Variants in PDZRN4 observed in about 807,000 individuals in gnomAD.
The protein encoded by PDZRN4 is PDZ domain-containing RING finger protein 4.
In PDZRN4, 70 loss-of-function variants were observed where a neutral mutation model predicts 99.0. The observed-to-expected ratio is 0.71, with a 90% CI of 0.58 to 0.86. The LOEUF (loss-of-function observed/expected upper bound fraction) is 0.86. Ranked by LOEUF, PDZRN4 falls within the 40% of genes least tolerant of loss-of-function variation. PDZRN4 has a pLI of 0.00. For missense variants in PDZRN4, 1,474 were observed against 1,331.2 expected (o/e 1.11, Z -1.67); for synonymous variants, 551 against 501.6 (o/e 1.10, Z -1.32).
intron 3 of PDZRN4, among the ~76,000 whole-genome samples, chr12:41,505,498 G>C (rs911155092): frequency 2.0e-5 from 3 of 152,196 alleles, no homozygotes; most frequent in African/African-American, 7.2e-5. Context: ...GGTCTGTTTT[G>C]CCTCCCACAA....
intron 3 of PDZRN4, among the ~76,000 whole-genome samples, chr12:41,238,854 A>G (rs1951085857): frequency 6.6e-6 from 1 of 152,212 alleles, no homozygotes; most frequent in Non-Finnish European, 1.5e-5. Flanking sequence ...ATGCTTTTAC[A>G]CTGTTGGCGA....
chr12:41,445,675 T>C (rs1291227519), intron 3 of PDZRN4, among the ~76,000 whole-genome samples: 1 of 107,004 alleles, frequency 9.3e-6, no homozygotes, highest in Non-Finnish European at 1.9e-5. Flanking sequence ...ATGTTTATAA[T>C]TCATGGGGAA....
chr12:41,539,309 A>T (rs285551), intron 5 of PDZRN4, among the ~76,000 whole-genome samples: 18,869 of 151,982 alleles, frequency 0.12, 1,184 homozygotes, highest in African/African-American at 0.15. Context: ...AAAACACTAA[A>T]GTTTAACATC....
chr12:41,246,418 A>G (rs141854447), intron 3 of PDZRN4, among the ~76,000 whole-genome samples: 5 of 152,296 alleles, frequency 3.3e-5, no homozygotes, highest in African/African-American at 4.8e-5. Flanking sequence ...TGCTGTGTGG[A>G]TAGGTATGGA....
At chr12:41,474,129 T>C (rs755005026) in intron 3 of PDZRN4, among the ~76,000 whole-genome samples, 11 of 152,316 alleles carry the variant, frequency 7.2e-5, no homozygotes, top group Non-Finnish European at 1.3e-4. Context: ...ATGAGAAAGA[T>C]TAATTAGTTT....
At chr12:41,494,884 T>G (rs1937964478) in intron 3 of PDZRN4, among the ~76,000 whole-genome samples, 1 of 152,140 alleles carries the variant, frequency 6.6e-6, no homozygotes, top group African/African-American at 2.4e-5. Context: ...ACTGGTTGCT[T>G]GTTCAAATTT....
chr12:41,435,630 T>G (rs1382995913), intron 3 of PDZRN4, among the ~76,000 whole-genome samples: 1 of 151,776 alleles, frequency 6.6e-6, no homozygotes, highest in East Asian at 1.9e-4. Context: ...CTACTAAAAA[T>G]ACAAAAAATT....
intron 3 of PDZRN4, among the ~76,000 whole-genome samples, chr12:41,298,315 T>G (rs1565545120): frequency 6.6e-6 from 1 of 152,190 alleles, no homozygotes; most frequent in Admixed American, 6.5e-5. Context: ...CACATTTTGC[T>G]ATTTGTATGT....
intron 3 of PDZRN4, among the ~76,000 whole-genome samples, chr12:41,331,724 G>C (rs1479961435): frequency 1.3e-5 from 2 of 152,078 alleles, no homozygotes. Context: ...AGCTGGGGAG[G>C]CCTCAGGAAA....
chr12:41,555,786 G>C, intron 7 of PDZRN4, 26 bp downstream of exon 7: 2 of 1,543,732 alleles, frequency 1.3e-6, no homozygotes, highest in Non-Finnish European at 1.8e-6. Context: ...ATTTCCTTTA[G>C]TTCCCCACGA....
intron 5 of PDZRN4, among the ~76,000 whole-genome samples, chr12:41,530,064 CT>C (rs1938635367): frequency 6.6e-6 from 1 of 152,196 alleles, no homozygotes. Context: ...CACTATTTAT[CT>C]ATTATACTTT....
chr12:41,510,396 T>A (rs554687996), intron 5 of PDZRN4, among the ~76,000 whole-genome samples: 1 of 152,266 alleles, frequency 6.6e-6, no homozygotes, highest in South Asian at 2.1e-4. Flanking sequence ...GAAATAGAGA[T>A]GGCCTCATGC....
chr12:41,532,373 T>C (rs1038924088), intron 5 of PDZRN4, among the ~76,000 whole-genome samples: 6 of 152,200 alleles, frequency 3.9e-5, no homozygotes, highest in Admixed American at 2.6e-4. Context: ...TACTTTATTC[T>C]TACAAATATC....
chr12:41,346,065 A>T (rs1951851757), intron 3 of PDZRN4, among the ~76,000 whole-genome samples: 1 of 152,184 alleles, frequency 6.6e-6, no homozygotes, highest in African/African-American at 2.4e-5. Flanking sequence ...AATTGTACAG[A>T]TGATGAAAGT....
intron 3 of PDZRN4, among the ~76,000 whole-genome samples, chr12:41,296,529 T>C (rs895164420): frequency 6.6e-6 from 1 of 152,194 alleles, no homozygotes; most frequent in African/African-American, 2.4e-5. Context: ...AGAATCCTTC[T>C]CTACCATGAC....
chr12:41,506,797 C>A (rs568963472), intron 4 of PDZRN4, 85 bp downstream of exon 4: 2 of 1,443,610 alleles, frequency 1.4e-6, no homozygotes, highest in African/African-American at 2.8e-5. Flanking sequence ...GTTCCACTAG[C>A]AGGTTGACAG....
intron 3 of PDZRN4, among the ~76,000 whole-genome samples, chr12:41,380,738 T>C (rs1369423528): frequency 6.6e-6 from 1 of 152,138 alleles, no homozygotes; most frequent in Non-Finnish European, 1.5e-5. Context: ...TTTTACCTTT[T>C]ATACCAAAGT....
At chr12:41,363,856 C>A (rs968104126) in intron 3 of PDZRN4, among the ~76,000 whole-genome samples, 2 of 152,066 alleles carry the variant, frequency 1.3e-5, no homozygotes, top group African/African-American at 4.8e-5. Context: ...CAGACACAGG[C>A]TTTCCACATT....
rs895364107 is a variant in PDZRN4, at chr12:41,366,183, C to T, written c.844-140273C>T. ...CATGATACCATCTTGTTACCCTGGT[C>T]CTAATTTGCAGAAATAAATCCTCCT... is the stretch of plus-strand genomic sequence containing the variant. On this transcript the variant is annotated intron_variant, in intron 3 of 9. Coordinates refer to ENST00000402685, the MANE Select transcript of PDZRN4 (RefSeq NM_001164595.2). Among the ~76,000 whole-genome samples, 6 of 152,182 alleles carry T rather than the reference C, an allele frequency of 3.9e-5. No individual in the cohort carries two copies. In the South Asian group the frequency reaches 1.2e-3, roughly 32 times the overall value.
Sources: gnomAD v4.1 joint callset for allele counts (sites outside exome capture counted in the v4.1 genomes callset) on GRCh38, gnomAD v4.1.1 for gene constraint, MANE v1.5 for transcripts, NCBI Gene and HGNC (gene_info 2026-07-23, HGNC 2026-07-21) for gene names.